The following GALC variants were observed in gnomAD, a reference collection of about 807,000 sequenced individuals.
GALC encodes galactocerebrosidase.
GALC carries 77 observed loss-of-function variants against 91.8 expected under a neutral mutation model. The observed-to-expected ratio is 0.84, with a 90% CI of 0.70 to 1.01. GALC has a LOEUF of 1.01. Among genes scored for constraint, GALC ranks in the 50% least tolerant of loss-of-function variants. The pLI, the probability that GALC is intolerant of heterozygous loss-of-function variation, is 0.00. For synonymous variants in GALC, 357 were observed against 306.7 expected (o/e 1.16, Z -1.71); for missense variants, 882 against 855.9 (o/e 1.03, Z -0.38).
At chr14:87,984,916 A>C (rs1413641464) in intron 4 of GALC, among the ~76,000 whole-genome samples, 1 of 146,824 alleles carries the variant, frequency 6.8e-6, no homozygotes, top group Admixed American at 7.0e-5. Flanking sequence ...AAATCAAAGA[A>C]TTCTAAAAGG....
At chr14:87,986,796 T>A (rs549105974) in intron 3 of GALC, among the ~76,000 whole-genome samples, 194 bp from the exon 4 acceptor site, 1 of 152,256 alleles carries the variant, frequency 6.6e-6, no homozygotes, top group Non-Finnish European at 1.5e-5. Context: ...ATCCTTTTTT[T>A]ATTATCTTAA....
intron 10 of GALC, 52 bp from the exon 11 acceptor site, chr14:87,950,800 G>T: frequency 7.8e-7 from 1 of 1,282,334 alleles, no homozygotes; most frequent in Non-Finnish European, 1.1e-6. Context: ...AGCTACCTTA[G>T]GGGAAAAAAA....
chr14:87,986,978 C>T (rs1887001965), intron 3 of GALC: 3 of 445,726 alleles, frequency 6.7e-6, no homozygotes, highest in Admixed American at 2.6e-5. Context: ...CCTCAACTTT[C>T]AGCTTTTCAA....
At chr14:87,947,652 C>G in intron 13 of GALC, 76 bp downstream of exon 13, 2 of 1,395,966 alleles carry the variant, frequency 1.4e-6, no homozygotes, top group Non-Finnish European at 2.0e-6. Flanking sequence ...CATCATGCAC[C>G]CAGTTTGACA....
chr14:87,992,925 C>G, intron 1 of GALC, 45 bp downstream of exon 1: 1 of 1,489,534 alleles, frequency 6.7e-7, no homozygotes, highest in South Asian at 1.3e-5. Flanking sequence ...CCCCACGGGG[C>G]GGGCTCTTGC....
chr14:87,973,608 A>T lies in GALC; in HGVS notation c.752+2750T>A, dbSNP rs573113119. ...AATTAAAATTCCACGGTAGGGGAGA[A>T]AAAGGGAGGAAGAAGTTATCAAATA... On this transcript the variant is annotated intron_variant, in intron 7 of 16. Coordinates refer to ENST00000261304, the MANE Select transcript of GALC (RefSeq NM_000153.4). Among the ~76,000 whole-genome samples the T allele has an allele frequency of 1.7e-4, 26 of 152,322 alleles. No homozygotes were observed. The South Asian group carries it at 3.7e-3, about 22-fold the overall frequency.
intron 13 of GALC, among the ~76,000 whole-genome samples, chr14:87,947,010 A>G (rs977601715): frequency 6.6e-6 from 1 of 151,952 alleles, no homozygotes; most frequent in African/African-American, 2.4e-5. Context: ...GTGATGCTCC[A>G]GCAATGCCAG....
chr14:87,978,516 T>C (rs537379078), intron 6 of GALC, among the ~76,000 whole-genome samples: 1 of 152,378 alleles, frequency 6.6e-6, no homozygotes, highest in East Asian at 1.9e-4. Context: ...GTCTACATGC[T>C]ATGATTTCTA....
chr14:87,982,083 TA>T, intron 6 of GALC, 121 bp downstream of exon 6: 1 of 563,416 alleles, frequency 1.8e-6, no homozygotes. Flanking sequence ...GCAAAATAAA[TA>T]ACTGTAGTAT....
chr14:87,965,910 C>T (rs753885523), intron 8 of GALC, among the ~76,000 whole-genome samples: 29 of 152,256 alleles, frequency 1.9e-4, no homozygotes, highest in Non-Finnish European at 2.9e-4. Context: ...AGCCAGAAGA[C>T]GAATCATGCC....
intron 6 of GALC, among the ~76,000 whole-genome samples, chr14:87,978,058 T>C (rs75591346): frequency 0.11 from 17,178 of 152,144 alleles, 1,141 homozygotes; most frequent in Non-Finnish European, 0.16. Context: ...CCTGAAGTTC[T>C]TCCTTTTCTT....
At chr14:87,952,471 A>G (rs1484033500) in intron 10 of GALC, 6 of 551,026 alleles carry the variant, frequency 1.1e-5, no homozygotes, top group African/African-American at 5.7e-5. Context: ...CACTATAGGC[A>G]TAAGCTAAAC....
At chr14:87,971,904 G>A (rs1008395277) in intron 7 of GALC, among the ~76,000 whole-genome samples, 4 of 147,794 alleles carry the variant, frequency 2.7e-5, no homozygotes, top group Non-Finnish European at 5.9e-5. Context: ...GTTGAATAAG[G>A]CAGGAACGCT....
intron 9 of GALC, among the ~76,000 whole-genome samples, chr14:87,964,795 T>C (rs1360885925): frequency 6.6e-6 from 1 of 152,148 alleles, no homozygotes; most frequent in Non-Finnish European, 1.5e-5. Flanking sequence ...TCCAATTCCC[T>C]TACACTACGA....
intron 7 of GALC, among the ~76,000 whole-genome samples, chr14:87,975,757 T>TAC (rs61368820): frequency 0.021 from 3,152 of 150,022 alleles, 81 homozygotes; most frequent in African/African-American, 0.058. Flanking sequence ...CACACATACA[T>TAC]ACACACACAC....
Position 87,984,439 on chromosome 14 carries a change from A to G in GALC, c.537T>C (p.Ile179=), listed in dbSNP as rs776341276. The change falls in exon 5 of 17, where the codon ATT becomes ATC. Residue 179 remains isoleucine (I), a synonymous_variant. Transcript: ENST00000261304. ...QLTAYYVVTW[I]VGAKRYHDLD... ...AATCATGGTAACGCTTGGCGCCCACAATCCAGGTCACGACATAATAGGCAG... is the reference window on the plus strand; with the variant it reads ...AATCATGGTAACGCTTGGCGCCCACGATCCAGGTCACGACATAATAGGCAG... 9.9e-6 allele frequency: 16 copies of G among 1,614,146 alleles called. No homozygotes were observed. In the South Asian group the frequency reaches 1.1e-4, roughly 11 times the overall value.
chr14:87,954,105 A>G (rs978328113), intron 10 of GALC: 120 of 1,609,572 alleles, frequency 7.5e-5, no homozygotes, highest in Admixed American at 1.7e-5. Context: ...TTATTCATCT[A>G]TTCAGCCTGA....
chr14:87,933,824 A>G lies in GALC; in HGVS notation c.*908T>C, dbSNP rs893278017. 1 of 597,922 alleles carries G rather than the reference A, an allele frequency of 1.7e-6. No individual in the cohort carries two copies. The highest frequency in any genetic ancestry group is 2.9e-6 in the Non-Finnish European group (1 of 345,098). 37.0% of individuals were successfully genotyped at this position (597,922 alleles called of 1,614,324 possible). A position where few individuals can be genotyped will look rare whatever the true frequency, so the allele number is the denominator to read the frequency against. On this transcript the variant is annotated 3_prime_UTR_variant, in exon 17 of 17. Transcript: ENST00000261304. ...AGGAGATGATCCAATTCTGGGAGTTAGCAAATGTCTAAGTGCTCCCCTCCT... is the reference window on the plus strand; with the variant it reads ...AGGAGATGATCCAATTCTGGGAGTTGGCAAATGTCTAAGTGCTCCCCTCCT...
In GALC at chr14:87,992,378, C is replaced by CTTT. The variant is rs1418601070; in HGVS notation, c.195+589_195+591dup. On this transcript the variant is annotated intron_variant, in intron 1 of 16. Transcript: ENST00000261304. Reference sequence around the variant, plus strand: ...AGTTTCAGGCCGCTCGCTTATCTTCCTTTTAAAGAGACCTTGAGGCACCAG... The same window carrying CTTT: ...AGTTTCAGGCCGCTCGCTTATCTTCCTTTTTTTAAAGAGACCTTGAGGCACCAG... 3.3e-6 allele frequency: 5 copies of CTTT among 1,535,552 alleles called. No homozygotes were observed. The East Asian group carries it at 1.2e-4, about 38-fold the overall frequency.
Sources: allele counts gnomAD v4.1 joint callset (sites outside exome capture counted in the v4.1 genomes callset), GRCh38; gene constraint gnomAD v4.1.1; transcripts MANE v1.5; gene names NCBI Gene and HGNC (gene_info 2026-07-23, HGNC 2026-07-21).